Variants in TMCO4 observed in about 807,000 individuals in gnomAD.
The protein encoded by TMCO4 is transmembrane and coiled-coil domains 4.
Under a neutral mutation model 64.7 loss-of-function variants are expected in TMCO4, and 58 were observed. The ratio of observed to expected loss-of-function variants is 0.90; its 90% CI spans 0.73 to 1.12. The LOEUF (loss-of-function observed/expected upper bound fraction) is 1.12. Among genes scored for constraint, TMCO4 ranks in the 50% most tolerant of loss-of-function variants. The pLI is 0.00. For missense variants in TMCO4, 780 were observed against 825.9 expected (o/e 0.94, Z 0.68); for synonymous variants, 325 against 346.1 (o/e 0.94, Z 0.68).
Position 19,785,315 on chromosome 1 carries a change from C to A in TMCO4, c.-9+1711G>T, listed in dbSNP as rs563560579. On this transcript the variant is annotated intron_variant, in intron 3 of 15. Coordinates refer to ENST00000294543, the MANE Select transcript of TMCO4 (RefSeq NM_181719.7). ...ATATCTTTGTCTTCTATCTCAGCACCCTGTTCTATTTTTATACTACTCATT... is the reference window on the plus strand; with the variant it reads ...ATATCTTTGTCTTCTATCTCAGCACACTGTTCTATTTTTATACTACTCATT... Among the ~76,000 whole-genome samples, 966 of 152,294 alleles carry A rather than the reference C, an allele frequency of 6.3e-3. 14 individuals carry two copies. The highest frequency in any genetic ancestry group is 0.022 in the African/African-American group (918 of 41,560).
intron 6 of TMCO4, among the ~76,000 whole-genome samples, chr1:19,756,532 T>C (rs2042263875): frequency 6.6e-6 from 1 of 152,194 alleles, no homozygotes; most frequent in Non-Finnish European, 1.5e-5. Context: ...CAGTATGCTG[T>C]ATTTATAATA....
At chr1:19,699,486 C>CATATATATATATATATATAT (rs10587817) in intron 14 of TMCO4, among the ~76,000 whole-genome samples, 13 of 136,404 alleles carry the variant, frequency 9.5e-5, no homozygotes, top group African/African-American at 3.5e-4. Context: ...TTTTCATATA[C>CATATATATATATATATATAT]ATATATATAT....
At chr1:19,771,247 C>T (rs961084331) in intron 5 of TMCO4, 61 bp downstream of exon 5, 4 of 1,550,620 alleles carry the variant, frequency 2.6e-6, no homozygotes, top group East Asian at 4.5e-5. Context: ...TTTAGGCTAA[C>T]ATTGAAAGAA....
chr1:19,755,755 C>T lies in TMCO4; in HGVS notation c.394G>A (p.Ala132Thr), dbSNP rs749948558. 11 of 1,613,882 alleles carry T rather than the reference C, an allele frequency of 6.8e-6. No individual in the cohort carries two copies. The highest frequency in any genetic ancestry group is 2.2e-5 in the East Asian group (1 of 44,852). ...TGGCAAACGAGGACTCTGGCCCGGG[C>T]GTCATAGTGCCCTCGAAAGACAGAA... The part of the protein sequence containing the change: ...SFSLKDGHYD[A>T]RARVLVCHMT... Residue 132 changes from alanine (A) to threonine (T), a missense_variant, in exon 7 of 16, where the codon GCC becomes ACC. By Grantham distance (58) the Ala-to-Thr change is moderately conservative (BLOSUM62 0). Transcript: ENST00000294543.
intron 15 of TMCO4, among the ~76,000 whole-genome samples, chr1:19,689,152 C>T (rs895365571): frequency 9.2e-5 from 14 of 152,174 alleles, no homozygotes; most frequent in African/African-American, 3.4e-4. Context: ...GCCAGCATTT[C>T]CCCAACAGCA....
At chr1:19,710,270 AT>A (rs11310431) in intron 13 of TMCO4, among the ~76,000 whole-genome samples, 41,179 of 138,284 alleles carry the variant, frequency 0.3, 5,994 homozygotes, top group Middle Eastern at 0.36. Context: ...CCATGCCCCC[AT>A]TTTTTTTTTT....
chr1:19,765,678 C>T (rs746230062), intron 6 of TMCO4, among the ~76,000 whole-genome samples: 14 of 151,904 alleles, frequency 9.2e-5, no homozygotes, highest in Admixed American at 5.9e-4. Flanking sequence ...GTGGGCAAAG[C>T]GCTTCGTGGG....
In TMCO4 at chr1:19,791,662, TGCGACGA is replaced by T. The variant is rs529138588; in HGVS notation, c.-100-4552_-100-4546del. Among the ~76,000 whole-genome samples, 286 of 152,342 alleles carry T rather than the reference TGCGACGA, an allele frequency of 1.9e-3. 3 individuals carry two copies. Among genetic ancestry groups the T allele is most frequent in the Non-Finnish European group, 8.2e-4 (56 of 68,040 alleles). On this transcript the variant is annotated intron_variant, in intron 2 of 15. Transcript: ENST00000294543. The stretch of plus-strand genomic sequence containing the variant: ...TGATTCCAAGAGAGTGCTGGATTCC[TGCGACGA>T]GAAAAAGCCCCTTCTGTCAGGACCA...
chr1:19,706,353 G>C (rs2095303369), intron 13 of TMCO4, among the ~76,000 whole-genome samples: 1 of 152,182 alleles, frequency 6.6e-6, no homozygotes, highest in Non-Finnish European at 1.5e-5. Flanking sequence ...ATGGATATGA[G>C]AAGACCTCAC....
chr1:19,777,628 G>A (rs538248843), intron 4 of TMCO4, among the ~76,000 whole-genome samples: 5 of 152,312 alleles, frequency 3.3e-5, no homozygotes, highest in South Asian at 2.1e-4. Context: ...GGATTACAGC[G>A]TAAGCCACTG....
intron 13 of TMCO4, among the ~76,000 whole-genome samples, chr1:19,718,564 G>C (rs1341111779): frequency 7.0e-6 from 1 of 142,322 alleles, no homozygotes; most frequent in Admixed American, 7.5e-5. Flanking sequence ...GCAGTGGGAG[G>C]CATTTGAGCC....
chr1:19,786,338 G>C (rs1376033412), intron 3 of TMCO4, among the ~76,000 whole-genome samples: 1 of 152,176 alleles, frequency 6.6e-6, no homozygotes, highest in African/African-American at 2.4e-5. Context: ...GGAAACATGA[G>C]AGTCAGAGGG....
At chr1:19,788,285 T>C (rs1234828503) in intron 2 of TMCO4, among the ~76,000 whole-genome samples, 1 of 152,210 alleles carries the variant, frequency 6.6e-6, no homozygotes, top group Non-Finnish European at 1.5e-5. Context: ...GCCTCCAAAA[T>C]TATCTCTGAA....
At chr1:19,783,534 G>C (rs1432590871) in intron 3 of TMCO4, among the ~76,000 whole-genome samples, 5 of 152,170 alleles carry the variant, frequency 3.3e-5, no homozygotes, top group African/African-American at 1.2e-4. Flanking sequence ...CAACCCTGAG[G>C]TAGTTCAAAG....
chr1:19,761,419 T>C (rs2042498242), intron 6 of TMCO4, among the ~76,000 whole-genome samples: 1 of 152,214 alleles, frequency 6.6e-6, no homozygotes, highest in African/African-American at 2.4e-5. Context: ...TCCAGTCCAG[T>C]GCCCAGGCCC....
chr1:19,723,438 G>C (rs749486046), intron 13 of TMCO4, among the ~76,000 whole-genome samples: 1 of 152,196 alleles, frequency 6.6e-6, no homozygotes, highest in Non-Finnish European at 1.5e-5. Flanking sequence ...TGAGCCTGCT[G>C]TGTGACCAGC....
chr1:19,785,699 G>A lies in TMCO4; in HGVS notation c.-9+1327C>T, dbSNP rs1017013363. ...CACAGAGCTAATAAGCAGTAGAACC[G>A]AGACACACACTCAGGAGGTCTGGTT... On this transcript the variant is annotated intron_variant, in intron 3 of 15. Coordinates refer to ENST00000294543, the MANE Select transcript of TMCO4 (RefSeq NM_181719.7). Among the ~76,000 whole-genome samples, 4 of 152,344 alleles carry A rather than the reference G, an allele frequency of 2.6e-5. No homozygotes were observed. In the South Asian group the frequency reaches 8.3e-4, roughly 32 times the overall value.
At chr1:19,792,286 T>C (rs1325157435) in intron 2 of TMCO4, among the ~76,000 whole-genome samples, 1 of 152,186 alleles carries the variant, frequency 6.6e-6, no homozygotes, top group Non-Finnish European at 1.5e-5. Context: ...GGCAAACCCA[T>C]GCCTACAGCT....
chr1:19,779,956 G>GA lies in TMCO4; in HGVS notation c.179+623dup, dbSNP rs1170447045. ...AAATGAGTGAATAACTGAATGAGGG[G>GA]ATGTCTTATCCCCCCACCAGATTGT... On this transcript the variant is annotated intron_variant, in intron 4 of 15. Coordinates refer to ENST00000294543, the MANE Select transcript of TMCO4 (RefSeq NM_181719.7). 7.2e-5 allele frequency among the ~76,000 whole-genome samples: 11 copies of GA among 152,236 alleles called. No individual in the cohort carries two copies. In the East Asian group the frequency reaches 2.1e-3, roughly 29 times the overall value.
Sources: gnomAD v4.1 joint callset for allele counts (sites outside exome capture counted in the v4.1 genomes callset) on GRCh38, gnomAD v4.1.1 for gene constraint, MANE v1.5 for transcripts, NCBI Gene and HGNC (gene_info 2026-07-23, HGNC 2026-07-21) for gene names.